Variants in WWOX observed in about 807,000 individuals in gnomAD.
WWOX encodes the protein WW domain containing oxidoreductase.
A neutral mutation model predicts 46.2 loss-of-function variants in WWOX; 69 were observed. The observed-to-expected ratio is 1.49, with a 90% CI of 1.23 to 1.82. The LOEUF is 1.82. WWOX is among the 40% of genes most tolerant of loss of function. The pLI is 0.00. For missense variants in WWOX, 919 were observed against 542.6 expected (o/e 1.69, Z -6.89); for synonymous variants, 359 against 202.6 (o/e 1.77, Z -6.56).
chr16:79,022,829 C>A lies in WWOX; in HGVS notation c.1057-188779C>A, dbSNP rs72793702. Among the ~76,000 whole-genome samples, 372 of 152,306 alleles carry A rather than the reference C, an allele frequency of 2.4e-3. 2 individuals carry two copies. Among genetic ancestry groups the A allele is most frequent in the Non-Finnish European group, 3.6e-3 (245 of 68,036 alleles). ...GATGGAAAAGGCAACCGAAAGGGCT[C>A]AGCTTCTGCAGATAGAGTCTGTGCT... is the stretch of plus-strand genomic sequence containing the variant. On this transcript the variant is annotated intron_variant, in intron 8 of 8. Coordinates refer to ENST00000566780, the MANE Select transcript of WWOX (RefSeq NM_016373.4).
intron 8 of WWOX, among the ~76,000 whole-genome samples, chr16:79,027,245 A>C (rs1447049517): frequency 2.1e-5 from 3 of 143,224 alleles, no homozygotes; most frequent in Non-Finnish European, 4.5e-5. Flanking sequence ...ATGCCACTGC[A>C]CTTCAGCCTG....
intron 8 of WWOX, among the ~76,000 whole-genome samples, chr16:78,814,921 A>G (rs575691459): frequency 2.0e-4 from 30 of 152,234 alleles, no homozygotes; most frequent in African/African-American, 7.2e-4. Flanking sequence ...CCTGGCCTGG[A>G]AGCTGACCAT....
intron 5 of WWOX, among the ~76,000 whole-genome samples, chr16:78,177,964 C>G (rs1298507557): frequency 1.3e-5 from 2 of 152,172 alleles, no homozygotes; most frequent in African/African-American, 4.8e-5. Flanking sequence ...TTCAATAGTT[C>G]CTGTTGTGAG....
intron 5 of WWOX, among the ~76,000 whole-genome samples, chr16:78,358,123 T>C (rs901713730): frequency 2.0e-5 from 3 of 152,166 alleles, no homozygotes; most frequent in African/African-American, 4.8e-5. Context: ...CTAGGTAAAA[T>C]GTTTAATAAC....
rs150158851 is a variant in WWOX, at chr16:78,134,072, T to C, written c.409+18918T>C. ...TGGTACGGCTCTATGTGTCTGTGTT[T>C]CTCATGTTGGTTAGGAGAACTAACC... On this transcript the variant is annotated intron_variant, in intron 4 of 8. Transcript: ENST00000566780. Among the ~76,000 whole-genome samples the C allele has an allele frequency of 2.5e-3, 377 of 152,330 alleles. 1 individual carries two copies. Among genetic ancestry groups the C allele is most frequent in the African/African-American group, 8.8e-3 (364 of 41,570 alleles).
At chr16:78,803,348 A>T (rs1207712712) in intron 8 of WWOX, among the ~76,000 whole-genome samples, 1 of 151,900 alleles carries the variant, frequency 6.6e-6, no homozygotes, top group African/African-American at 2.4e-5. Flanking sequence ...ATTGCTCTTC[A>T]TTCTCAAGTG....
In WWOX at chr16:78,233,816, C is replaced by T. The variant is rs539143836; in HGVS notation, c.516+69527C>T. Among the ~76,000 whole-genome samples, 262 of 152,206 alleles carry T rather than the reference C, an allele frequency of 1.7e-3. 5 individuals carry two copies. In the South Asian group the frequency reaches 0.05, roughly 29 times the overall value. On this transcript the variant is annotated intron_variant, in intron 5 of 8. Coordinates refer to ENST00000566780, the MANE Select transcript of WWOX (RefSeq NM_016373.4). Reference sequence around the variant, plus strand: ...TGCTAGGATTACAGGCGTGAGCCACCGTGCCTGGCCTGATGATTCAGTTTT... The same window carrying T: ...TGCTAGGATTACAGGCGTGAGCCACTGTGCCTGGCCTGATGATTCAGTTTT...
intron 8 of WWOX, among the ~76,000 whole-genome samples, chr16:78,481,794 G>C (rs1017535753): frequency 1.3e-5 from 2 of 149,990 alleles, no homozygotes; most frequent in Non-Finnish European, 3.0e-5. Context: ...CTGTGGATGT[G>C]ATAAGAGCTG....
chr16:79,161,970 A>C (rs1206356902), intron 8 of WWOX, among the ~76,000 whole-genome samples: 1 of 152,210 alleles, frequency 6.6e-6, no homozygotes, highest in Admixed American at 6.5e-5. Flanking sequence ...ACCTACACAG[A>C]GTGTCTCAGT....
chr16:78,356,766 C>G (rs1165427183), intron 5 of WWOX, among the ~76,000 whole-genome samples: 1 of 152,066 alleles, frequency 6.6e-6, no homozygotes, highest in African/African-American at 2.4e-5. Flanking sequence ...CCTGTAATCC[C>G]AGCGACTCGG....
At chr16:78,153,507 A>G (rs1305886867) in intron 4 of WWOX, among the ~76,000 whole-genome samples, 1 of 152,154 alleles carries the variant, frequency 6.6e-6, no homozygotes, top group Non-Finnish European at 1.5e-5. Flanking sequence ...TGCTTTATGC[A>G]TAATGGCAGA....
At chr16:79,041,142 C>G (rs2047963442) in intron 8 of WWOX, among the ~76,000 whole-genome samples, 2 of 152,118 alleles carry the variant, frequency 1.3e-5, no homozygotes, top group African/African-American at 2.4e-5. Flanking sequence ...TTGGCAGTCT[C>G]TGACACAATA....
chr16:78,723,222 C>A (rs1289417847), intron 8 of WWOX, among the ~76,000 whole-genome samples: 1 of 152,154 alleles, frequency 6.6e-6, no homozygotes, highest in Non-Finnish European at 1.5e-5. Context: ...TACTTATTTT[C>A]TTCTTTATAT....
At chr16:78,735,525 G>T (rs2049070266) in intron 8 of WWOX, among the ~76,000 whole-genome samples, 1 of 152,286 alleles carries the variant, frequency 6.6e-6, no homozygotes. Flanking sequence ...TGTTAACTCT[G>T]AGTGTTCCTG....
chr16:79,056,663 G>T (rs560328246), intron 8 of WWOX, among the ~76,000 whole-genome samples: 1 of 152,236 alleles, frequency 6.6e-6, no homozygotes, highest in African/African-American at 2.4e-5. Context: ...AAACACAAAT[G>T]TCTCCAAACA....
intron 8 of WWOX, among the ~76,000 whole-genome samples, chr16:79,181,860 C>G (rs1322885175): frequency 6.6e-6 from 1 of 152,160 alleles, no homozygotes; most frequent in African/African-American, 2.4e-5. Flanking sequence ...TTTTACAAAC[C>G]ACAGCATAAA....
At chr16:78,408,917 G>T (rs185845622) in intron 6 of WWOX, among the ~76,000 whole-genome samples, 1,586 of 152,284 alleles carry the variant, frequency 0.01, 34 homozygotes, top group African/African-American at 0.037. Context: ...GCAGGGAACA[G>T]AAAGTACTGT....
intron 5 of WWOX, among the ~76,000 whole-genome samples, chr16:78,312,730 G>A (rs2080273371): frequency 6.6e-6 from 1 of 152,148 alleles, no homozygotes; most frequent in Non-Finnish European, 1.5e-5. Flanking sequence ...CTGCATTGGA[G>A]GAAGCAAGAC....
rs7206448 is a variant in WWOX, at chr16:79,119,006, A to G, written c.1057-92602A>G. Among the ~76,000 whole-genome samples, 1,279 of 152,342 alleles carry G rather than the reference A, an allele frequency of 8.4e-3. 20 individuals are homozygous for G. The highest frequency in any genetic ancestry group is 0.028 in the African/African-American group (1,180 of 41,578). On this transcript the variant is annotated intron_variant, in intron 8 of 8. Transcript: ENST00000566780. The stretch of plus-strand genomic sequence containing the variant: ...CATCTCTGTGCATAAAGCAGTTTCT[A>G]TAGTTCCCATTATGTCTTTAGGATA...
Sources: allele counts gnomAD v4.1 joint callset (sites outside exome capture counted in the v4.1 genomes callset), GRCh38; gene constraint gnomAD v4.1.1; transcripts MANE v1.5; gene names NCBI Gene and HGNC (gene_info 2026-07-23, HGNC 2026-07-21).